BIN1: variants seen among roughly 807,000 people sequenced by gnomAD.
BIN1 encodes bridging integrator 1, also known as myc box-dependent-interacting protein 1.
BIN1 carries 53 observed loss-of-function variants against 82.0 expected under a neutral mutation model. That is an observed-to-expected ratio of 0.65 (90% CI 0.52 to 0.81). The LOEUF is 0.81. Ranked by LOEUF, BIN1 falls within the 40% of genes least tolerant of loss-of-function variation. The pLI is 0.00. For synonymous variants in BIN1, 302 were observed against 328.0 expected, an observed-to-expected ratio of 0.92 and a Z score of 0.86; for missense variants, 642 against 784.4, an observed-to-expected ratio of 0.82 and a Z score of 2.17.
At chr2:127,073,010 C>T (rs1454108940) in intron 2 of BIN1, among the ~76,000 whole-genome samples, 3 of 152,256 alleles carry the variant, frequency 2.0e-5, no homozygotes, top group Non-Finnish European at 4.4e-5. Context: ...CCACACCTCT[C>T]ACGCCGTCCC....
chr2:127,073,660 A>T (rs1686223108), intron 2 of BIN1, among the ~76,000 whole-genome samples: 1 of 152,150 alleles, frequency 6.6e-6, no homozygotes, highest in Non-Finnish European at 1.5e-5. Context: ...TCGGGGGGCG[A>T]CCTTCACTCA....
At chr2:127,060,138 G>A (rs920253025) in intron 10 of BIN1, among the ~76,000 whole-genome samples, 6 of 152,214 alleles carry the variant, frequency 3.9e-5, no homozygotes, top group African/African-American at 1.4e-4. Flanking sequence ...CAGCGTAAGA[G>A]ATGTCGCTGA....
chr2:127,070,206 A>C, intron 4 of BIN1, 116 bp from the exon 5 acceptor site: 8 of 827,036 alleles, frequency 9.7e-6, no homozygotes, highest in Non-Finnish European at 1.6e-5. Context: ...GTGGCTTCTC[A>C]GAGCCTCAGT....
chr2:127,048,637 A>G lies in BIN1; in HGVS notation c.1675-4T>C. ...CGCCCATGAGCCAGCCTTCATCCTG[A>G]GGGGCAGAGCACCAGGTCGCACAGG... On this transcript the variant is annotated splice_polypyrimidine_tract_variant and splice_region_variant and intron_variant, in intron 18 of 18. Coordinates refer to ENST00000316724, the MANE Select transcript of BIN1 (RefSeq NM_139343.3). The G allele has an allele frequency of 1.2e-6, 2 of 1,612,284 alleles. No individual in the cohort carries two copies. Among genetic ancestry groups the G allele is most frequent in the Non-Finnish European group, 1.7e-6 (2 of 1,179,828 alleles).
intron 12 of BIN1, chr2:127,054,253 C>T: frequency 1.8e-6 from 1 of 555,834 alleles, no homozygotes; most frequent in Non-Finnish European, 3.3e-6. Context: ...CTCCCGCCCA[C>T]ACCAGGAGGA....
At chr2:127,096,864 G>T (rs1461245163) in intron 1 of BIN1, among the ~76,000 whole-genome samples, 1 of 152,208 alleles carries the variant, frequency 6.6e-6, no homozygotes, top group African/African-American at 2.4e-5. Flanking sequence ...GCTGAGCAAA[G>T]GTCCAAAGAA....
At chr2:127,104,899 G>T (rs1204836581) in intron 1 of BIN1, among the ~76,000 whole-genome samples, 1 of 152,200 alleles carries the variant, frequency 6.6e-6, no homozygotes, top group Non-Finnish European at 1.5e-5. Context: ...CTGATGGGGG[G>T]AGGGTCCCTA....
At chr2:127,077,470 A>C (rs6710752) in intron 1 of BIN1, among the ~76,000 whole-genome samples, 36,378 of 152,046 alleles carry the variant, frequency 0.24, 4,938 homozygotes, top group African/African-American at 0.36. Flanking sequence ...GGCAGAGAAG[A>C]GGAGCCACAC....
At chr2:127,088,960 C>CCGG (rs1191119938) in intron 1 of BIN1, among the ~76,000 whole-genome samples, 1 of 152,112 alleles carries the variant, frequency 6.6e-6, no homozygotes, top group African/African-American at 2.4e-5. Context: ...GACAGCAAGA[C>CCGG]CGGCGTGGCT....
At chr2:127,096,227 G>T (rs751798026) in intron 1 of BIN1, among the ~76,000 whole-genome samples, 2 of 152,190 alleles carry the variant, frequency 1.3e-5, no homozygotes, top group Non-Finnish European at 2.9e-5. Flanking sequence ...CTGGGAAGGT[G>T]AGACCATCAG....
intron 2 of BIN1, among the ~76,000 whole-genome samples, chr2:127,075,009 C>G (rs1378698133): frequency 6.6e-6 from 1 of 152,168 alleles, no homozygotes. Context: ...CCAGCTCAGC[C>G]TGTTCTAAGG....
At chr2:127,083,255 CTTTT>C (rs1687535437) in intron 1 of BIN1, among the ~76,000 whole-genome samples, 1 of 151,946 alleles carries the variant, frequency 6.6e-6, no homozygotes, top group Non-Finnish European at 1.5e-5. Context: ...AGTATTTTTA[CTTTT>C]TGTAGAGACA....
Position 127,070,631 on chromosome 2 carries a change from G to A in BIN1, c.237C>T (p.Ser79=). ...CCTGCAGACACTCATTCAGCTTCTT[G>A]GAAGCCTCGTGCATGGCTGTGGGGC... ...LASVKAMHEA[S]KKLNECLQEV... The change falls in exon 4 of 19, where the codon TCC becomes TCT. Residue 79 remains serine (S), a synonymous_variant. Transcript: ENST00000316724. 6.2e-7 allele frequency: 1 copy of A among 1,614,094 alleles called. No homozygotes were observed. The highest frequency in any genetic ancestry group is 8.5e-7 in the Non-Finnish European group (1 of 1,180,022).
At chr2:127,080,960 A>AGGGGCTCAGT (rs1382993279) in intron 1 of BIN1, among the ~76,000 whole-genome samples, 1 of 152,224 alleles carries the variant, frequency 6.6e-6, no homozygotes, top group African/African-American at 2.4e-5. Context: ...CCGGGTCCAC[A>AGGGGCTCAGT]GGGGCTCAGT....
intron 1 of BIN1, among the ~76,000 whole-genome samples, chr2:127,096,991 C>T: frequency 6.6e-6 from 1 of 152,308 alleles, no homozygotes; most frequent in South Asian, 2.1e-4. Context: ...GTGGAAACCC[C>T]TCGCTGCCAG....
At position 127,051,236 on chromosome 2, in the gene BIN1, T is replaced by A; in HGVS notation, c.1379A>T (p.Glu460Val). Residue 460 changes from glutamate to valine, a missense_variant, in exon 16 of 19, where the codon GAG becomes GTG. Glu to Val is a moderately radical substitution (Grantham distance 121). Coordinates refer to ENST00000316724, the MANE Select transcript of BIN1 (RefSeq NM_139343.3). ...GGTCCCACCCGCCACCTCCGAGGCCTCTGCTGGCTGCAACATAAATGCCGG... is the reference window on the plus strand; with the variant it reads ...GGTCCCACCCGCCACCTCCGAGGCCACTGCTGGCTGCAACATAAATGCCGG... ...TAEPGPAQPA[E>V]ASEVAGGTQP... 1 of 1,613,746 alleles carries A rather than the reference T, an allele frequency of 6.2e-7. No homozygotes were observed. Among genetic ancestry groups the A allele is most frequent in the Non-Finnish European group, 8.5e-7 (1 of 1,179,942 alleles).
chr2:127,103,321 C>G (rs912176034), intron 1 of BIN1, among the ~76,000 whole-genome samples: 12 of 152,188 alleles, frequency 7.9e-5, no homozygotes, highest in Non-Finnish European at 1.5e-4. Context: ...AGACCTTGAC[C>G]ACGCAGCTGA....
In BIN1 at chr2:127,053,931, C is replaced by T. The variant is rs1414893032; in HGVS notation, c.1213G>A (p.Val405Met). Residue 405 changes from valine (V) to methionine (M), a missense_variant, in exon 13 of 19, where the codon GTG becomes ATG. Val to Met is a conservative substitution (Grantham distance 21). Coordinates refer to ENST00000316724, the MANE Select transcript of BIN1 (RefSeq NM_139343.3). ...TGACCAGAGGGCGTGGGTGCCTTCACAGGGCTCGTCACGGGCGGGAGGGGG... is the reference window on the plus strand; with the variant it reads ...TGACCAGAGGGCGTGGGTGCCTTCATAGGGCTCGTCACGGGCGGGAGGGGG... Reference protein sequence around the residue: ...FDPLPPVTSPVKAPTPSGQSI... With the variant: ...FDPLPPVTSPMKAPTPSGQSI... 3 of 1,551,486 alleles carry T rather than the reference C, an allele frequency of 1.9e-6. No homozygotes were observed. Among genetic ancestry groups the T allele is most frequent in the Non-Finnish European group, 2.6e-6 (3 of 1,147,100 alleles).
chr2:127,079,025 C>T (rs1686973989), intron 1 of BIN1, among the ~76,000 whole-genome samples: 1 of 152,234 alleles, frequency 6.6e-6, no homozygotes, highest in Admixed American at 6.5e-5. Flanking sequence ...CCTGCCCTCC[C>T]TCTCCCCAGG....
Sources: allele counts gnomAD v4.1 joint callset (sites outside exome capture counted in the v4.1 genomes callset), GRCh38; gene constraint gnomAD v4.1.1; transcripts MANE v1.5; gene names NCBI Gene and HGNC (gene_info 2026-07-23, HGNC 2026-07-21).